RTTN: variants seen among roughly 807,000 people sequenced by gnomAD.
RTTN encodes the protein rotatin.
RTTN carries 182 observed loss-of-function variants against 269.2 expected under a neutral mutation model. The ratio of observed to expected loss-of-function variants is 0.68; its 90% CI spans 0.60 to 0.76. The LOEUF (loss-of-function observed/expected upper bound fraction) is 0.76, where lower values mean the gene tolerates loss of function less well. Among genes scored for constraint, RTTN ranks in the 30% least tolerant of loss-of-function variants. The probability of loss-of-function intolerance (pLI) is 0.00; values close to 1 mark genes in which losing one functional copy is unlikely to be tolerated. For missense variants in RTTN, 2,545 were observed against 2,608.6 expected (o/e 0.98, Z 0.53); for synonymous variants, 1,006 against 963.5 (o/e 1.04, Z -0.82).
chr18:70,065,989 C>T lies in RTTN; in HGVS notation c.4654-67G>A, dbSNP rs1031572371. 3.6e-6 allele frequency: 4 copies of T among 1,103,482 alleles called. No homozygotes were observed. The African/African-American group carries it at 4.7e-5, about 13-fold the overall frequency. 68.4% of individuals were successfully genotyped at this position (1,103,482 alleles called of 1,614,324 possible). ...CGGAAAATGAAACACAGGCAACATA[C>T]ACACAAGATATCCTTAAACAAGGAG... On this transcript the variant is annotated intron_variant, in intron 34 of 48. Transcript: ENST00000640769.
At chr18:70,166,340 G>A (rs2060985724) in intron 13 of RTTN, 152 bp from the exon 14 acceptor site, 2 of 647,402 alleles carry the variant, frequency 3.1e-6, no homozygotes, top group Non-Finnish European at 5.0e-6. Context: ...ACTCACCTAA[G>A]CACTTATTTG....
At chr18:70,172,413 T>C (rs1453009755) in intron 11 of RTTN, among the ~76,000 whole-genome samples, 10 of 152,210 alleles carry the variant, frequency 6.6e-5, no homozygotes, top group Non-Finnish European at 1.2e-4. Context: ...ATTAGTGGGC[T>C]AGCAACAGAC....
intron 35 of RTTN, among the ~76,000 whole-genome samples, chr18:70,062,928 T>C (rs2058032445): frequency 6.6e-6 from 1 of 152,196 alleles, no homozygotes; most frequent in Admixed American, 6.5e-5. Context: ...ATTTTAAAAA[T>C]AAATTTTATT....
At chr18:70,108,911 C>G (rs546613899) in intron 28 of RTTN, among the ~76,000 whole-genome samples, 8 of 151,644 alleles carry the variant, frequency 5.3e-5, no homozygotes, top group Admixed American at 2.6e-4. Context: ...AAATTAAAGG[C>G]TTTTGTTTTG....
chr18:70,099,010 T>C (rs2059081513), intron 28 of RTTN, among the ~76,000 whole-genome samples: 1 of 152,198 alleles, frequency 6.6e-6, no homozygotes, highest in Non-Finnish European at 1.5e-5. Flanking sequence ...ACATGGTGTA[T>C]ATGTGCCAAA....
chr18:70,022,904 A>G (rs1294288348), intron 44 of RTTN, among the ~76,000 whole-genome samples: 1 of 151,902 alleles, frequency 6.6e-6, no homozygotes, highest in Non-Finnish European at 1.5e-5. Context: ...TTCTCCATCT[A>G]CACATTCTCC....
At chr18:70,191,414 T>C (rs1191167834) in intron 8 of RTTN, among the ~76,000 whole-genome samples, 1 of 152,176 alleles carries the variant, frequency 6.6e-6, no homozygotes, top group Non-Finnish European at 1.5e-5. Context: ...GTTTCCTAGA[T>C]TTTCTGAGTT....
rs73970822 is a variant in RTTN at position 70,031,069 on chromosome 18, G to C, written c.5542-88C>G. 5.0e-3 allele frequency: 4,011 copies of C among 801,692 alleles called. 114 individuals carry two copies. In the African/African-American group the frequency reaches 0.058, roughly 12 times the overall value. The allele number at this position is 801,692 out of a possible 1,614,324, so 49.7% of individuals were successfully genotyped here. A position where few individuals can be genotyped will look rare whatever the true frequency, so the allele number is the denominator to read the frequency against. Reference sequence around the variant, plus strand: ...AATAAAGAACATTTTCTACTTAAAAGATATTGCTAGGTTTCAACTATCATG... The same window carrying C: ...AATAAAGAACATTTTCTACTTAAAACATATTGCTAGGTTTCAACTATCATG... On this transcript the variant is annotated intron_variant, in intron 40 of 48. Coordinates refer to ENST00000640769, the MANE Select transcript of RTTN (RefSeq NM_173630.4).
rs372511831 is a variant in RTTN, at chr18:70,052,642, T to TATATATATATA, written c.5186-1095_5186-1094insTATATATATAT. Among the ~76,000 whole-genome samples the TATATATATATA allele has an allele frequency of 7.4e-4, 108 of 145,912 alleles. 1 individual carries two copies. Among genetic ancestry groups the TATATATATATA allele is most frequent in the Non-Finnish European group, 1.4e-3 (93 of 66,260 alleles). The stretch of plus-strand genomic sequence containing the variant: ...ATAACTTTTCATGTAATTTATTTAC[T>TATATATATATA]TATATATATATATCATCACAATGTG... On this transcript the variant is annotated intron_variant, in intron 38 of 48. Coordinates refer to ENST00000640769, the MANE Select transcript of RTTN (RefSeq NM_173630.4).
At chr18:70,021,742 C>T (rs2145529922) in intron 44 of RTTN, among the ~76,000 whole-genome samples, 1 of 152,276 alleles carries the variant, frequency 6.6e-6, no homozygotes, top group South Asian at 2.1e-4. Flanking sequence ...TTTGTGCTGA[C>T]TGGAGACAAC....
At chr18:70,099,952 G>A (rs996519306) in intron 28 of RTTN, among the ~76,000 whole-genome samples, 2 of 152,108 alleles carry the variant, frequency 1.3e-5, no homozygotes, top group Admixed American at 6.5e-5. Flanking sequence ...CTCTGTTTTG[G>A]TACCAGTACC....
intron 8 of RTTN, among the ~76,000 whole-genome samples, chr18:70,191,489 A>C (rs1447098471): frequency 6.6e-6 from 1 of 152,192 alleles, no homozygotes; most frequent in African/African-American, 2.4e-5. Context: ...ACCTCATGGG[A>C]AATGTATTAC....
intron 28 of RTTN, among the ~76,000 whole-genome samples, chr18:70,097,085 T>C (rs1233008885): frequency 6.6e-6 from 1 of 152,252 alleles, no homozygotes; most frequent in Admixed American, 6.5e-5. Context: ...CAGTATTTTC[T>C]TTCAACTTGA....
intron 18 of RTTN, among the ~76,000 whole-genome samples, chr18:70,142,693 A>C (rs941391526): frequency 2.6e-5 from 4 of 152,156 alleles, no homozygotes; most frequent in Non-Finnish European, 4.4e-5. Flanking sequence ...TTTTAATAAT[A>C]GCCATTCTGG....
intron 32 of RTTN, among the ~76,000 whole-genome samples, chr18:70,083,707 G>A (rs989397537): frequency 2.0e-5 from 3 of 152,086 alleles, no homozygotes; most frequent in Non-Finnish European, 2.9e-5. Flanking sequence ...ATTGTAACAT[G>A]ATAGTAAATG....
chr18:70,165,207 A>C (rs17082161), intron 14 of RTTN, among the ~76,000 whole-genome samples: 11,929 of 152,128 alleles, frequency 0.078, 988 homozygotes, highest in African/African-American at 0.2. Context: ...ATTCAAACTT[A>C]ATAGCAGTTA....
intron 14 of RTTN, among the ~76,000 whole-genome samples, chr18:70,162,306 C>T (rs944333827): frequency 8.6e-5 from 13 of 152,044 alleles, no homozygotes; most frequent in South Asian, 2.1e-4. Context: ...CTAAACACTG[C>T]GTATACACAT....
At chr18:70,118,247 T>C (rs959180914) in intron 26 of RTTN, among the ~76,000 whole-genome samples, 6 of 150,820 alleles carry the variant, frequency 4.0e-5, no homozygotes, top group Non-Finnish European at 8.9e-5. Context: ...GAAGACAAAA[T>C]GAGAAACGAA....
In RTTN at chr18:70,098,667, A is replaced by C. The variant is rs377497279; in HGVS notation, c.3904-5863T>G. Among the ~76,000 whole-genome samples the C allele has an allele frequency of 2.5e-4, 38 of 152,194 alleles. 2 individuals carry two copies. In the East Asian group the frequency reaches 4.6e-3, roughly 19 times the overall value. On this transcript the variant is annotated intron_variant, in intron 28 of 48. Transcript: ENST00000640769. The stretch of plus-strand genomic sequence containing the variant: ...TTATTTTATTTTTTTAATATACTTA[A>C]AGTTCTAGAGTACATGTGCACAACG...
Sources: gnomAD v4.1 joint callset for allele counts (sites outside exome capture counted in the v4.1 genomes callset) on GRCh38, gnomAD v4.1.1 for gene constraint, MANE v1.5 for transcripts, NCBI Gene and HGNC (gene_info 2026-07-23, HGNC 2026-07-21) for gene names.